Variants in DIAPH2 observed in about 807,000 individuals in gnomAD.
DIAPH2 encodes the protein protein diaphanous homolog 2.
A neutral mutation model predicts 92.7 loss-of-function variants in DIAPH2; 35 were observed. The ratio of observed to expected loss-of-function variants is 0.38; its 90% confidence interval spans 0.29 to 0.50. The LOEUF (loss-of-function observed/expected upper bound fraction) is 0.50. DIAPH2 is among the 20% of genes least tolerant of loss of function. The probability of loss-of-function intolerance (pLI) is 0.94; values close to 1 mark genes in which losing one functional copy is unlikely to be tolerated. For synonymous variants in DIAPH2, 301 were observed against 280.4 expected, an observed-to-expected ratio of 1.07 and a Z score of -0.73; for missense variants, 701 against 819.5, an observed-to-expected ratio of 0.86 and a Z score of 1.77.
intron 5 of DIAPH2, among the ~76,000 whole-genome samples, chrX:96,900,162 G>T (rs780206483): frequency 5.4e-5 from 6 of 111,776 alleles, no homozygotes; most frequent in Non-Finnish European, 1.1e-4. Flanking sequence ...GCAGTGTTTC[G>T]TAGTTTTCCT....
At chrX:97,553,553 T>C (rs1352311236) in intron 26 of DIAPH2, among the ~76,000 whole-genome samples, 5 of 110,602 alleles carry the variant, frequency 4.5e-5, no homozygotes, top group Non-Finnish European at 7.6e-5. Flanking sequence ...GGGAAAAGTA[T>C]TCAAGTCCAG....
At chrX:96,994,988 T>G (rs1301093521) in intron 17 of DIAPH2, among the ~76,000 whole-genome samples, 1 of 109,945 alleles carries the variant, frequency 9.1e-6, no homozygotes, top group Admixed American at 9.7e-5. Context: ...AAGAGAAAAA[T>G]AAAGAGGGCC....
At chrX:97,243,724 G>A (rs992238689) in intron 22 of DIAPH2, among the ~76,000 whole-genome samples, 2 of 110,792 alleles carry the variant, frequency 1.8e-5, no homozygotes, top group Admixed American at 9.7e-5. Flanking sequence ...AGCATCTCCC[G>A]AACCACGTCT....
intron 1 of DIAPH2, among the ~76,000 whole-genome samples, chrX:96,690,476 C>A (rs2063793212): frequency 9.0e-6 from 1 of 111,141 alleles, no homozygotes; most frequent in South Asian, 3.8e-4. Context: ...TTTATTAACC[C>A]CTTATATTAC....
At chrX:97,379,849 G>C in intron 24 of DIAPH2, among the ~76,000 whole-genome samples, 1 of 111,844 alleles carries the variant, frequency 8.9e-6, no homozygotes, top group South Asian at 3.7e-4. Flanking sequence ...TGCTTGCTTC[G>C]TGTAGACCTG....
chrX:96,855,412 C>G (rs890064701), intron 4 of DIAPH2, among the ~76,000 whole-genome samples: 1 of 110,288 alleles, frequency 9.1e-6, no homozygotes, highest in African/African-American at 3.3e-5. Flanking sequence ...AAATACAATA[C>G]GTACTAAAAA....
intron 14 of DIAPH2, among the ~76,000 whole-genome samples, chrX:96,946,716 A>G (rs766097928): frequency 7.2e-5 from 8 of 111,448 alleles, no homozygotes; most frequent in South Asian, 3.8e-4. Flanking sequence ...AAACCTTAGA[A>G]TCTCCTTAAG....
In DIAPH2 at chrX:97,377,869, T is replaced by C. The variant is rs184806131; in HGVS notation, c.3010-6040T>C. ...TATACTTATCTAGGAAATATGGAAA[T>C]GGATGGTATTCTGGTCAGGGGTTAT... On this transcript the variant is annotated intron_variant, in intron 24 of 26. Coordinates refer to ENST00000324765, the MANE Select transcript of DIAPH2 (RefSeq NM_006729.5). Among the ~76,000 whole-genome samples the C allele has an allele frequency of 6.9e-3, 767 of 110,731 alleles. 6 individuals carry two copies. Among genetic ancestry groups the C allele is most frequent in the African/African-American group, 0.024 (728 of 30,442 alleles).
intron 20 of DIAPH2, among the ~76,000 whole-genome samples, chrX:97,100,718 G>T (rs548600): frequency 2.7e-5 from 3 of 110,274 alleles, no homozygotes; most frequent in African/African-American, 9.9e-5. Flanking sequence ...CATTTTCAGC[G>T]TTATCCAAAA....
intron 26 of DIAPH2, among the ~76,000 whole-genome samples, chrX:97,493,576 A>T (rs1032076776): frequency 8.1e-5 from 9 of 110,717 alleles, no homozygotes; most frequent in African/African-American, 2.9e-4. Context: ...ATTTTTTTTT[A>T]AATAATTTCT....
chrX:97,262,185 AT>A (rs2068294377), intron 23 of DIAPH2, among the ~76,000 whole-genome samples: 2 of 110,849 alleles, frequency 1.8e-5, no homozygotes, highest in East Asian at 2.8e-4. Context: ...GTAGTATAAT[AT>A]CATACAATGA....
intron 26 of DIAPH2, among the ~76,000 whole-genome samples, chrX:97,473,581 C>T (rs761241836): frequency 6.3e-5 from 7 of 111,837 alleles, no homozygotes; most frequent in East Asian, 5.7e-4. Context: ...GTGATCTGCC[C>T]GCCTTGGCCT....
intron 21 of DIAPH2, among the ~76,000 whole-genome samples, chrX:97,122,101 G>T (rs2067062419): frequency 9.0e-6 from 1 of 111,496 alleles, no homozygotes; most frequent in African/African-American, 3.3e-5. Flanking sequence ...GTTATACTTG[G>T]CTCATTTCAA....
intron 26 of DIAPH2, among the ~76,000 whole-genome samples, chrX:97,435,671 C>T (rs1211341499): frequency 6.3e-5 from 7 of 111,733 alleles, no homozygotes; most frequent in Non-Finnish European, 1.3e-4. Context: ...TAATAAGTTG[C>T]ATACATTTAC....
rs1333298265 is a variant in DIAPH2, at chrX:97,602,642, C to G, written c.*3325C>G. 4 of 112,034 alleles carry G rather than the reference C, an allele frequency of 3.6e-5. No homozygotes were observed. The highest frequency in any genetic ancestry group is 7.5e-5 in the Non-Finnish European group (4 of 53,256). 9.2% of individuals were successfully genotyped at this position (112,034 alleles called of 1,213,427 possible). On this transcript the variant is annotated 3_prime_UTR_variant, in exon 27 of 27. Coordinates refer to ENST00000324765, the MANE Select transcript of DIAPH2 (RefSeq NM_006729.5). ...GGGCCTGTAGCTCTTCTTTCTTGGA[C>G]TATGGATTGGGCCTCTGCCTCTGTG...
chrX:96,832,007 A>G (rs2064858102), intron 4 of DIAPH2, among the ~76,000 whole-genome samples: 1 of 111,787 alleles, frequency 8.9e-6, no homozygotes, highest in Non-Finnish European at 1.9e-5. Context: ...GTAGGAAAGT[A>G]CGATCCTACT....
At chrX:96,793,076 G>A (rs1026493798) in intron 4 of DIAPH2, among the ~76,000 whole-genome samples, 3 of 112,195 alleles carry the variant, frequency 2.7e-5, no homozygotes, top group Non-Finnish European at 5.6e-5. Context: ...TAATGCTGCT[G>A]TTACATGGAC....
At position 96,962,504 on chromosome X, in the gene DIAPH2, T is replaced by C. The variant is rs933580699; in HGVS notation, c.1936-2589T>C. 1.8e-4 allele frequency among the ~76,000 whole-genome samples: 15 copies of C among 82,284 alleles called. 1 individual carries two copies. Among genetic ancestry groups the C allele is most frequent in the African/African-American group, 3.7e-4 (8 of 21,451 alleles). 71.5% of individuals were successfully genotyped at this position (82,284 alleles called of 115,157 possible). On this transcript the variant is annotated intron_variant, in intron 16 of 26. Transcript: ENST00000324765. ...ACACACACACACACACACATATATA[T>C]ATATATATATATATATATACCTACT...
chrX:97,066,299 A>G (rs1427446408), intron 17 of DIAPH2, among the ~76,000 whole-genome samples: 1 of 111,921 alleles, frequency 8.9e-6, no homozygotes, highest in African/African-American at 3.3e-5. Flanking sequence ...TACCATTTCT[A>G]TGTTTAAATA....
Sources: allele counts gnomAD v4.1 joint callset (sites outside exome capture counted in the v4.1 genomes callset), GRCh38; gene constraint gnomAD v4.1.1; transcripts MANE v1.5; gene names NCBI Gene and HGNC (gene_info 2026-07-23, HGNC 2026-07-21).